The following CUL5 variants were observed in gnomAD, a reference collection of about 807,000 sequenced individuals.
CUL5 encodes cullin 5.
CUL5 carries 26 observed loss-of-function variants against 108.8 expected under a neutral mutation model. The observed-to-expected ratio is 0.24, with a 90% CI of 0.18 to 0.33. CUL5 has a LOEUF of 0.33. CUL5 is among the 10% of genes least tolerant of loss of function. CUL5 has a pLI of 1.00. For synonymous variants in CUL5, 334 were observed against 298.0 expected (o/e 1.12, Z -1.25); for missense variants, 524 against 909.2 (o/e 0.58, Z 5.45).
chr11:108,062,697 A>G lies in CUL5; in HGVS notation c.781-7399A>G, dbSNP rs374338696. ...AATCACATCAGGGCAAATGGTATCA[A>G]TCACCTCAGGCATTTATCCTTTGTG... On this transcript the variant is annotated intron_variant, in intron 7 of 18. Coordinates refer to ENST00000393094, the MANE Select transcript of CUL5 (RefSeq NM_003478.6). 3.3e-5 allele frequency among the ~76,000 whole-genome samples: 5 copies of G among 152,134 alleles called. No homozygotes were observed. The South Asian group carries it at 6.2e-4, about 19-fold the overall frequency.
chr11:108,049,800 TTA>T lies in CUL5; in HGVS notation c.235-88_235-87del, dbSNP rs1457362794. ...AAGAGCTTGTACAATAATTTAAAAA[TTA>T]TGTACAATTTAAATTTTGGCATGAA... On this transcript the variant is annotated intron_variant, in intron 3 of 18. Coordinates refer to ENST00000393094, the MANE Select transcript of CUL5 (RefSeq NM_003478.6). 12 of 1,019,944 alleles carry T rather than the reference TTA, an allele frequency of 1.2e-5. No individual in the cohort carries two copies. The East Asian group carries it at 3.1e-4, about 27-fold the overall frequency. 63.2% of individuals were successfully genotyped at this position (1,019,944 alleles called of 1,614,324 possible).
At chr11:108,038,584 A>G (rs1862805588) in intron 2 of CUL5, among the ~76,000 whole-genome samples, 1 of 151,840 alleles carries the variant, frequency 6.6e-6, no homozygotes, top group Non-Finnish European at 1.5e-5. Flanking sequence ...CTGAGGCAGG[A>G]TAATCACTTG....
At chr11:108,096,569 T>G in intron 16 of CUL5, among the ~76,000 whole-genome samples, 1 of 129,726 alleles carries the variant, frequency 7.7e-6, no homozygotes, top group East Asian at 2.2e-4. Context: ...ATGTACTTTT[T>G]TTTTTTTTTT....
At chr11:108,096,237 C>T (rs1306741561) in intron 16 of CUL5, among the ~76,000 whole-genome samples, 1 of 151,324 alleles carries the variant, frequency 6.6e-6, no homozygotes, top group Non-Finnish European at 1.5e-5. Context: ...TGGCTGTAAT[C>T]CCAGCACTTT....
At chr11:108,082,663 C>T (rs1189659672) in intron 11 of CUL5, among the ~76,000 whole-genome samples, 5 of 151,480 alleles carry the variant, frequency 3.3e-5, no homozygotes, top group Middle Eastern at 3.4e-3. Context: ...TCTTTTTTTT[C>T]AGACAGGGTT....
chr11:108,073,906 C>G (rs1281580596), intron 10 of CUL5: 1 of 155,230 alleles, frequency 6.4e-6, no homozygotes, highest in Non-Finnish European at 1.4e-5. Flanking sequence ...TTTCATGGGA[C>G]TCCTTCGGGA....
intron 1 of CUL5, among the ~76,000 whole-genome samples, chr11:108,033,458 A>G (rs933784708): frequency 1.3e-5 from 2 of 152,184 alleles, no homozygotes; most frequent in Non-Finnish European, 2.9e-5. Context: ...GAATTGCATT[A>G]TTAGCCAATC....
chr11:108,047,025 A>G (rs1180863909), intron 3 of CUL5, among the ~76,000 whole-genome samples: 2 of 152,128 alleles, frequency 1.3e-5, no homozygotes, highest in Non-Finnish European at 2.9e-5. Context: ...TTTCTATAAC[A>G]TGAGGTCTGG....
intron 7 of CUL5, among the ~76,000 whole-genome samples, chr11:108,068,897 A>G (rs1863755943): frequency 6.6e-6 from 1 of 152,062 alleles, no homozygotes; most frequent in African/African-American, 2.4e-5. Context: ...CTGCCTTACT[A>G]CCATTATACT....
intron 10 of CUL5, among the ~76,000 whole-genome samples, chr11:108,076,494 A>G (rs1000157170): frequency 1.3e-5 from 2 of 151,730 alleles, no homozygotes; most frequent in Admixed American, 6.6e-5. Flanking sequence ...CTTTCTGTAT[A>G]TTTGAATTTT....
rs67141256 is a variant in CUL5 at position 108,106,538 on chromosome 11, CT to C, written c.*2170del. 0.9 allele frequency: 114,333 copies of C among 126,564 alleles called. 51,919 individuals are homozygous for C. The highest frequency in any genetic ancestry group is 0.96 in the Non-Finnish European group (55,840 of 58,108). 7.8% of individuals were successfully genotyped at this position (126,564 alleles called of 1,614,324 possible). On this transcript the variant is annotated 3_prime_UTR_variant, in exon 19 of 19. Coordinates refer to ENST00000393094, the MANE Select transcript of CUL5 (RefSeq NM_003478.6). Reference sequence around the variant, plus strand: ...GCAAATACTGTAAATGTACAGTTTTCTTTTTTTTTTTTTTTTGGTTATGTAT... The same window carrying C: ...GCAAATACTGTAAATGTACAGTTTTCTTTTTTTTTTTTTTTGGTTATGTAT...
At chr11:108,048,649 T>A (rs1338139835) in intron 3 of CUL5, among the ~76,000 whole-genome samples, 2 of 2,500 alleles carry the variant, frequency 8.0e-4, no homozygotes, top group African/African-American at 1.2e-3. Context: ...CTCCACCACC[T>A]TTTTTTTTTT....
intron 10 of CUL5, 42 bp downstream of exon 10, chr11:108,073,539 T>A (rs547515209): frequency 2.2e-6 from 2 of 904,508 alleles, no homozygotes; most frequent in South Asian, 4.0e-5. Context: ...TTAAAAGTTT[T>A]ATTCTCATAA....
At chr11:108,062,763 ATAAAAT>A (rs1031054074) in intron 7 of CUL5, among the ~76,000 whole-genome samples, 3 of 152,064 alleles carry the variant, frequency 2.0e-5, no homozygotes, top group African/African-American at 7.2e-5. Context: ...ATTTTTAAAC[ATAAAAT>A]TAAATTATTT....
chr11:108,038,725 G>A (rs1862811086), intron 2 of CUL5, among the ~76,000 whole-genome samples: 1 of 151,152 alleles, frequency 6.6e-6, no homozygotes, highest in South Asian at 2.1e-4. Flanking sequence ...ACCTAAAGCA[G>A]TTCAGTGTAT....
chr11:108,013,125 T>C (rs1020935269), intron 1 of CUL5, among the ~76,000 whole-genome samples: 2 of 152,198 alleles, frequency 1.3e-5, no homozygotes, highest in Non-Finnish European at 2.9e-5. Context: ...TTTATCCTCT[T>C]TTCTGGTATT....
intron 9 of CUL5, among the ~76,000 whole-genome samples, chr11:108,072,695 T>G (rs1031831860): frequency 1.6e-4 from 25 of 152,104 alleles, no homozygotes; most frequent in Non-Finnish European, 5.9e-5. Context: ...ATAGAAGAGA[T>G]TTTTTATGTT....
intron 11 of CUL5, among the ~76,000 whole-genome samples, chr11:108,081,518 C>T (rs768843350): frequency 2.6e-5 from 4 of 151,412 alleles, no homozygotes; most frequent in African/African-American, 7.3e-5. Flanking sequence ...TTAGGGAGGC[C>T]GAGGCGGGCA....
intron 11 of CUL5, among the ~76,000 whole-genome samples, chr11:108,087,700 G>A (rs997451706): frequency 3.9e-5 from 6 of 152,180 alleles, no homozygotes; most frequent in East Asian, 3.8e-4. Flanking sequence ...GGTGGCCCAC[G>A]CGTATAATCC....
Sources: allele counts gnomAD v4.1 joint callset (sites outside exome capture counted in the v4.1 genomes callset), GRCh38; gene constraint gnomAD v4.1.1; transcripts MANE v1.5; gene names NCBI Gene and HGNC (gene_info 2026-07-23, HGNC 2026-07-21).